CDH18: variants seen among roughly 807,000 people sequenced by gnomAD.
CDH18 encodes the protein cadherin 18, also known as cadherin-18.
CDH18 carries 31 observed loss-of-function variants against 67.9 expected under a neutral mutation model. That is an observed-to-expected ratio of 0.46 (90% CI 0.34 to 0.62). The LOEUF (loss-of-function observed/expected upper bound fraction) is 0.62, where lower values mean the gene tolerates loss of function less well. Among genes scored for constraint, CDH18 ranks in the 20% least tolerant of loss-of-function variants. The pLI is 0.01. For missense variants in CDH18, 890 were observed against 975.5 expected, an observed-to-expected ratio of 0.91 and a Z score of 1.17; for synonymous variants, 362 against 347.2, an observed-to-expected ratio of 1.04 and a Z score of -0.48.
intron 2 of CDH18, among the ~76,000 whole-genome samples, chr5:20,008,505 C>G (rs1330894738): frequency 6.6e-6 from 1 of 152,140 alleles, no homozygotes. Context: ...TGTATAACAA[C>G]CGTGTTTCCC....
At chr5:20,250,598 T>C (rs1227414653) in intron 2 of CDH18, among the ~76,000 whole-genome samples, 1 of 70,070 alleles carries the variant, frequency 1.4e-5, no homozygotes, top group African/African-American at 4.0e-5. Context: ...GCTTTTTTTT[T>C]TTTTTTTTTT....
chr5:19,775,807 T>G (rs1774301581), intron 3 of CDH18, among the ~76,000 whole-genome samples: 2 of 152,156 alleles, frequency 1.3e-5, no homozygotes, highest in Admixed American at 6.6e-5. Flanking sequence ...TAAGGCTGTC[T>G]TTGCAATAAA....
intron 2 of CDH18, among the ~76,000 whole-genome samples, chr5:19,896,804 T>C (rs2150099879): frequency 6.6e-6 from 1 of 152,348 alleles, no homozygotes; most frequent in East Asian, 1.9e-4. Flanking sequence ...ACTATATTAC[T>C]ACCAATTTTG....
chr5:20,345,571 G>A (rs572203325), intron 1 of CDH18, among the ~76,000 whole-genome samples: 25 of 151,574 alleles, frequency 1.6e-4, no homozygotes, highest in African/African-American at 4.8e-4. Context: ...ATTGTTTAAC[G>A]TCTGCTTATA....
intron 8 of CDH18, among the ~76,000 whole-genome samples, chr5:19,563,261 G>C (rs1292794848): frequency 6.6e-6 from 1 of 152,148 alleles, no homozygotes; most frequent in Non-Finnish European, 1.5e-5. Context: ...AATTGGATTT[G>C]CATTAAAATG....
chr5:19,991,183 TTTAGCAAGTTATG>T (rs1220516460), upstream of CDH18, among the ~76,000 whole-genome samples: 1 of 152,118 alleles, frequency 6.6e-6, no homozygotes, highest in African/African-American at 2.4e-5. Flanking sequence ...ACCCTGAAAA[TTTAGCAAGTTATG>T]TGATGTTTCC....
At chr5:19,847,659 T>C (rs1783151285) in intron 2 of CDH18, among the ~76,000 whole-genome samples, 1 of 152,102 alleles carries the variant, frequency 6.6e-6, no homozygotes, top group Non-Finnish European at 1.5e-5. Context: ...CTTTTACCTT[T>C]GTGTTGGTAT....
chr5:20,280,788 C>T (rs1232517952), intron 1 of CDH18, among the ~76,000 whole-genome samples: 1 of 152,172 alleles, frequency 6.6e-6, no homozygotes, highest in Non-Finnish European at 1.5e-5. Context: ...GCCACACTGA[C>T]GTCCACAAGG....
intron 2 of CDH18, among the ~76,000 whole-genome samples, chr5:19,894,756 T>C (rs1789125014): frequency 6.6e-6 from 1 of 152,166 alleles, no homozygotes; most frequent in Non-Finnish European, 1.5e-5. Flanking sequence ...GTCAGTAACA[T>C]TTGACCTCTG....
At chr5:20,184,133 A>G (rs1430244736) in intron 2 of CDH18, among the ~76,000 whole-genome samples, 1 of 152,094 alleles carries the variant, frequency 6.6e-6, no homozygotes, top group Admixed American at 6.6e-5. Context: ...CTGAGGAATG[A>G]CTAATCTAGT....
In CDH18 at chr5:20,571,291, T is replaced by G. The variant is rs372224083; in HGVS notation, c.-580+4171A>C. On this transcript the variant is annotated intron_variant, in intron 1 of 14. Transcript: ENST00000507958. ...CATACAAAAGTTTCTATACAGTTGT[T>G]GCATTTTCATTTATTTGTCTTATTT... 1.5e-4 allele frequency among the ~76,000 whole-genome samples: 23 copies of G among 152,284 alleles called. No homozygotes were observed. The East Asian group carries it at 4.4e-3, about 29-fold the overall frequency.
At chr5:19,968,423 C>T (rs1447047699) in intron 2 of CDH18, among the ~76,000 whole-genome samples, 5 of 152,114 alleles carry the variant, frequency 3.3e-5, no homozygotes, top group South Asian at 4.1e-4. Context: ...GGAGGCATCA[C>T]GCTACCTGAC....
chr5:20,557,212 A>G (rs1351900645), intron 1 of CDH18, among the ~76,000 whole-genome samples: 1 of 152,118 alleles, frequency 6.6e-6, no homozygotes, highest in Non-Finnish European at 1.5e-5. Context: ...TTTTATAAGG[A>G]ATATCAAAAT....
intron 2 of CDH18, among the ~76,000 whole-genome samples, chr5:20,234,059 T>C (rs948638875): frequency 1.3e-5 from 2 of 152,138 alleles, no homozygotes; most frequent in Non-Finnish European, 2.9e-5. Context: ...CATTCTGCAA[T>C]GGTATAAGAG....
At chr5:20,565,074 C>T (rs1417685411) in intron 1 of CDH18, among the ~76,000 whole-genome samples, 1 of 152,156 alleles carries the variant, frequency 6.6e-6, no homozygotes, top group Non-Finnish European at 1.5e-5. Flanking sequence ...CCTAGTGAGT[C>T]ACCATAGCTT....
intron 1 of CDH18, among the ~76,000 whole-genome samples, chr5:20,471,853 C>CAAAAAAAA (rs1554005562): frequency 1.2e-3 from 70 of 56,438 alleles, no homozygotes; most frequent in Non-Finnish European, 2.3e-3. Flanking sequence ...AAAAAAAAAG[C>CAAAAAAAA]AAAAGCATTG....
chr5:19,930,732 A>G (rs1314533816), intron 2 of CDH18, among the ~76,000 whole-genome samples: 1 of 152,040 alleles, frequency 6.6e-6, no homozygotes, highest in South Asian at 2.1e-4. Context: ...CATAAACTCT[A>G]TCTCTAAGCT....
chr5:20,467,213 T>C (rs922797323), intron 1 of CDH18, among the ~76,000 whole-genome samples: 9 of 152,128 alleles, frequency 5.9e-5, no homozygotes, highest in Admixed American at 3.9e-4. Context: ...TATAAGTATG[T>C]ATCATCTCCT....
chr5:19,846,992 A>G (rs1382846217), intron 2 of CDH18, among the ~76,000 whole-genome samples: 1 of 151,892 alleles, frequency 6.6e-6, no homozygotes, highest in Non-Finnish European at 1.5e-5. Flanking sequence ...CTGCTTAGAA[A>G]TCTGTTCATA....
Sources: gnomAD v4.1 joint callset for allele counts (sites outside exome capture counted in the v4.1 genomes callset) on GRCh38, gnomAD v4.1.1 for gene constraint, MANE v1.5 for transcripts, NCBI Gene and HGNC (gene_info 2026-07-23, HGNC 2026-07-21) for gene names.